Variants in INVS observed in about 807,000 individuals in gnomAD.
INVS encodes the protein inversin.
INVS carries 86 observed loss-of-function variants against 108.8 expected under a neutral mutation model. That is an observed-to-expected ratio of 0.79 (90% CI 0.66 to 0.95). The LOEUF (loss-of-function observed/expected upper bound fraction) is 0.95. INVS is among the 40% of genes least tolerant of loss of function. The probability of loss-of-function intolerance (pLI) is 0.00; values close to 1 mark genes in which losing one functional copy is unlikely to be tolerated. For synonymous variants in INVS, 455 were observed against 473.5 expected (o/e 0.96, Z 0.51); for missense variants, 1,169 against 1,297.4 (o/e 0.90, Z 1.52).
chr9:100,152,385 C>T (rs571068649), intron 3 of INVS, among the ~76,000 whole-genome samples: 58 of 152,250 alleles, frequency 3.8e-4, no homozygotes, highest in African/African-American at 1.4e-3. Flanking sequence ...GATTCTCATC[C>T]TAATCTTTGA....
rs556494274 is a variant in INVS at position 100,266,612 on chromosome 9, G to A, written c.1571+1684G>A. 2.0e-5 allele frequency among the ~76,000 whole-genome samples: 3 copies of A among 152,246 alleles called. No individual in the cohort carries two copies. The South Asian group carries it at 6.2e-4, about 32-fold the overall frequency. ...TTACTGCAACCTGTTTTATCAGCAA[G>A]GTCTTTATGACCTGTATTTTGTGCT... On this transcript the variant is annotated intron_variant, in intron 11 of 16. Coordinates refer to ENST00000262457, the MANE Select transcript of INVS (RefSeq NM_014425.5).
At chr9:100,241,532 A>G (rs1479793127) in intron 6 of INVS, among the ~76,000 whole-genome samples, 1 of 152,160 alleles carries the variant, frequency 6.6e-6, no homozygotes, top group African/African-American at 2.4e-5. Context: ...TTTCCTCTGG[A>G]TCCTTCTCTA....
At chr9:100,109,182 T>G (rs1206053177) in intron 2 of INVS, among the ~76,000 whole-genome samples, 1 of 152,240 alleles carries the variant, frequency 6.6e-6, no homozygotes, top group Non-Finnish European at 1.5e-5. Flanking sequence ...AAGTTCTAAC[T>G]GTTATTTATT....
At chr9:100,159,476 TTAGAC>T (rs554003785) in intron 3 of INVS, among the ~76,000 whole-genome samples, 70 of 152,308 alleles carry the variant, frequency 4.6e-4, no homozygotes, top group African/African-American at 1.5e-3. Context: ...TTTTTAATCT[TTAGAC>T]TAATAACACC....
intron 3 of INVS, among the ~76,000 whole-genome samples, chr9:100,165,355 G>GT (rs1829328443): frequency 6.6e-6 from 1 of 152,020 alleles, no homozygotes; most frequent in African/African-American, 2.4e-5. Flanking sequence ...ACAATTAGTG[G>GT]TGCTCAGTGC....
intron 5 of INVS, among the ~76,000 whole-genome samples, chr9:100,238,644 C>G (rs773692615): frequency 6.6e-5 from 10 of 152,120 alleles, no homozygotes; most frequent in Non-Finnish European, 1.5e-4. Flanking sequence ...CTCCTTGTCT[C>G]TTTCTGTTGC....
intron 3 of INVS, among the ~76,000 whole-genome samples, chr9:100,219,418 C>T (rs1831078293): frequency 6.6e-6 from 1 of 152,106 alleles, no homozygotes; most frequent in African/African-American, 2.4e-5. Context: ...CCAGCCTGGG[C>T]AAGCTATAGC....
At chr9:100,188,104 A>G (rs1412021848) in intron 3 of INVS, among the ~76,000 whole-genome samples, 1 of 152,198 alleles carries the variant, frequency 6.6e-6, no homozygotes, top group Non-Finnish European at 1.5e-5. Flanking sequence ...TTGTAGGTGT[A>G]CAATCATATC....
At chr9:100,191,907 A>G (rs903320195) in intron 3 of INVS, among the ~76,000 whole-genome samples, 7 of 152,090 alleles carry the variant, frequency 4.6e-5, no homozygotes, top group African/African-American at 1.4e-4. Flanking sequence ...ACAGTTTATT[A>G]TAGCCCAATT....
At chr9:100,226,342 G>T in intron 4 of INVS, 107 bp downstream of exon 4, 3 of 863,864 alleles carry the variant, frequency 3.5e-6, no homozygotes. Context: ...TATATACATG[G>T]TAGAACAATT....
At chr9:100,250,416 C>G (rs921475101) in intron 8 of INVS, among the ~76,000 whole-genome samples, 1 of 152,108 alleles carries the variant, frequency 6.6e-6, no homozygotes. Context: ...CCTGTGCTGT[C>G]TTTCATGTTA....
intron 3 of INVS, among the ~76,000 whole-genome samples, chr9:100,198,391 G>A (rs556217398): frequency 2.6e-4 from 37 of 141,626 alleles, no homozygotes; most frequent in African/African-American, 9.2e-4. Flanking sequence ...TCTGTCTCCC[G>A]AGTTCAAGCG....
intron 3 of INVS, 51 bp from the exon 4 acceptor site, chr9:100,226,011 T>A (rs1012910834): frequency 1.5e-6 from 2 of 1,360,748 alleles, no homozygotes; most frequent in Non-Finnish European, 1.0e-6. Context: ...TTAAAAAAAA[T>A]TTTGACCCCA....
chr9:100,289,646 C>T (rs546640062), intron 13 of INVS, among the ~76,000 whole-genome samples: 29 of 152,326 alleles, frequency 1.9e-4, no homozygotes, highest in African/African-American at 7.0e-4. Context: ...TGTCTCTATT[C>T]TCCTTTATAT....
chr9:100,273,150 G>C, intron 12 of INVS, 74 bp downstream of exon 12: 3 of 1,130,470 alleles, frequency 2.7e-6, no homozygotes, highest in Non-Finnish European at 4.0e-6. Flanking sequence ...GGGGGTGCTG[G>C]GGTGGCCAGG....
chr9:100,145,822 A>T (rs924198072), intron 3 of INVS, among the ~76,000 whole-genome samples: 4 of 152,138 alleles, frequency 2.6e-5, no homozygotes, highest in Non-Finnish European at 5.9e-5. Context: ...CACGGATAAA[A>T]CGCGTCTCCT....
At chr9:100,176,735 C>G (rs1405155884) in intron 3 of INVS, among the ~76,000 whole-genome samples, 1 of 152,124 alleles carries the variant, frequency 6.6e-6, no homozygotes, top group Non-Finnish European at 1.5e-5. Context: ...CTCAGCCTCC[C>G]AAAGTGCTAG....
intron 3 of INVS, among the ~76,000 whole-genome samples, chr9:100,170,302 A>G (rs1829494818): frequency 6.6e-6 from 1 of 151,908 alleles, no homozygotes; most frequent in African/African-American, 2.4e-5. Context: ...CACATCTATA[A>G]TCCCAGCACT....
intron 13 of INVS, among the ~76,000 whole-genome samples, chr9:100,290,611 C>G (rs1338640609): frequency 6.6e-6 from 1 of 152,252 alleles, no homozygotes. Context: ...CTCGGCCTCC[C>G]AAAGTGCTGG....
Sources: gnomAD v4.1 joint callset for allele counts (sites outside exome capture counted in the v4.1 genomes callset) on GRCh38, gnomAD v4.1.1 for gene constraint, MANE v1.5 for transcripts, NCBI Gene and HGNC (gene_info 2026-07-23, HGNC 2026-07-21) for gene names.